Variants in CASP6 observed in about 807,000 individuals in gnomAD.
CASP6 encodes the protein caspase-6.
A neutral mutation model predicts 31.8 loss-of-function variants in CASP6; 20 were observed. The observed-to-expected ratio is 0.63, with a 90% confidence interval of 0.44 to 0.91. The LOEUF (loss-of-function observed/expected upper bound fraction) is 0.91. Ranked by LOEUF, CASP6 falls within the 40% of genes least tolerant of loss-of-function variation. The pLI, the probability that CASP6 is intolerant of heterozygous loss-of-function variation, is 0.00. For synonymous variants in CASP6, 130 were observed against 127.8 expected, an observed-to-expected ratio of 1.02 and a Z score of -0.12; for missense variants, 328 against 361.1, an observed-to-expected ratio of 0.91 and a Z score of 0.74.
At chr4:109,708,620 G>A in the CASP6 span, among the ~76,000 whole-genome samples, 1 of 152,114 alleles carries the variant, frequency 6.6e-6, no homozygotes, top group Non-Finnish European at 1.5e-5. Flanking sequence ...ACATTCCCTC[G>A]ACAAGAGTGG....
intron 1 of CASP6, among the ~76,000 whole-genome samples, chr4:109,703,107 G>A (rs1048469220): frequency 1.3e-5 from 2 of 152,122 alleles, no homozygotes; most frequent in African/African-American, 2.4e-5. Flanking sequence ...CGGCGCCGGC[G>A]TCGCTACTCG....
At chr4:109,678,353 T>A in the CASP6 span, among the ~76,000 whole-genome samples, 1 of 152,024 alleles carries the variant, frequency 6.6e-6, no homozygotes, top group Non-Finnish European at 1.5e-5. Flanking sequence ...TGGGTACACC[T>A]CCCAGGTGGG....
At chr4:109,673,484 G>C in the CASP6 span, among the ~76,000 whole-genome samples, 1 of 152,196 alleles carries the variant, frequency 6.6e-6, no homozygotes, top group African/African-American at 2.4e-5. Context: ...AGGTTTCCCT[G>C]TAACCTCAGC....
chr4:109,706,032 A>ATATATATATAT (rs1419095475), upstream of CASP6, among the ~76,000 whole-genome samples: 1 of 93,832 alleles, frequency 1.1e-5, no homozygotes, highest in African/African-American at 4.9e-5. Flanking sequence ...ATATATATAT[A>ATATATATATAT]ATATATATAA....
At chr4:109,690,247 A>AAAAAC (rs61007363) in intron 6 of CASP6, among the ~76,000 whole-genome samples, 2 of 143,396 alleles carry the variant, frequency 1.4e-5, no homozygotes, top group African/African-American at 5.3e-5. Flanking sequence ...AAAAAAAAAA[A>AAAAAC]ACGCACGCAC....
At chr4:109,688,451 G>A (rs1330624039), downstream of CASP6, 1 of 152,142 alleles carries the variant, frequency 6.6e-6, no homozygotes, top group East Asian at 1.9e-4. Flanking sequence ...TTCATCCTCA[G>A]AATGCCATAC....
chr4:109,701,638 C>G (rs5030529), intron 1 of CASP6, among the ~76,000 whole-genome samples: 8,356 of 152,252 alleles, frequency 0.055, 373 homozygotes, highest in East Asian at 0.21. Flanking sequence ...ACTGCCACCT[C>G]CTTATTCCTT....
At chr4:109,701,550 C>G (rs1167258024) in intron 1 of CASP6, among the ~76,000 whole-genome samples, 1 of 152,260 alleles carries the variant, frequency 6.6e-6, no homozygotes, top group South Asian at 2.1e-4. Context: ...GCCTCAGTCT[C>G]CCCAGTAGCT....
At chr4:109,682,392 CTT>C in the CASP6 span, among the ~76,000 whole-genome samples, 1 of 151,290 alleles carries the variant, frequency 6.6e-6, no homozygotes, top group Non-Finnish European at 1.5e-5. Context: ...CTGTGACTCT[CTT>C]TGTTGAAAAG....
At chr4:109,664,540 T>C in the CASP6 span, 1 of 556,086 alleles carries the variant, frequency 1.8e-6, no homozygotes, top group Non-Finnish European at 3.2e-6. Flanking sequence ...TCCTCCCACC[T>C]CAGCCTCCAG....
chr4:109,666,718 A>C, the CASP6 span, among the ~76,000 whole-genome samples: 1 of 152,136 alleles, frequency 6.6e-6, no homozygotes, highest in Non-Finnish European at 1.5e-5. Context: ...ATTTTCTCCC[A>C]GGCTATGGCT....
intron 1 of CASP6, among the ~76,000 whole-genome samples, chr4:109,701,515 C>A (rs957743874): frequency 1.3e-5 from 2 of 151,908 alleles, no homozygotes; most frequent in African/African-American, 4.8e-5. Context: ...TGCAAGTCCA[C>A]CTCCAGGTTT....
intron 5 of CASP6, chr4:109,692,595 C>T (rs1046525212): frequency 1.3e-5 from 2 of 152,222 alleles, no homozygotes; most frequent in Non-Finnish European, 2.9e-5. Context: ...GTCCATCCTC[C>T]TCAGTATCTT....
chr4:109,682,854 C>G, the CASP6 span: 1 of 774,578 alleles, frequency 1.3e-6, no homozygotes, highest in Non-Finnish European at 2.0e-6. Flanking sequence ...TTCTCCTTTA[C>G]GCCTCACAAA....
the CASP6 span, among the ~76,000 whole-genome samples, chr4:109,673,212 C>G: frequency 6.6e-6 from 1 of 152,206 alleles, no homozygotes; most frequent in African/African-American, 2.4e-5. Flanking sequence ...CCTGGAAGGT[C>G]TTTCACTTGC....
chr4:109,678,335 G>A, the CASP6 span, among the ~76,000 whole-genome samples: 2 of 150,742 alleles, frequency 1.3e-5, no homozygotes, highest in African/African-American at 2.4e-5. Flanking sequence ...CTGTCTCTTC[G>A]GAGCTGTTGG....
chr4:109,684,270 A>G (rs201361960), downstream of CASP6, among the ~76,000 whole-genome samples: 7 of 151,958 alleles, frequency 4.6e-5, no homozygotes, highest in South Asian at 8.3e-4. Flanking sequence ...CACCATGTTA[A>G]CCAGGATGGT....
chr4:109,691,417 C>T (rs1730052097), intron 5 of CASP6, among the ~76,000 whole-genome samples: 1 of 152,134 alleles, frequency 6.6e-6, no homozygotes, highest in Non-Finnish European at 1.5e-5. Flanking sequence ...TTGACTTTTG[C>T]TTGCCTGGCT....
chr4:109,671,447 G>C, the CASP6 span, among the ~76,000 whole-genome samples: 1 of 152,060 alleles, frequency 6.6e-6, no homozygotes, highest in Non-Finnish European at 1.5e-5. Context: ...TTCAGTTTGA[G>C]AAAGTTTCTG....
Sources: allele counts gnomAD v4.1 joint callset (sites outside exome capture counted in the v4.1 genomes callset), GRCh38; gene constraint gnomAD v4.1.1; transcripts MANE v1.5; gene names NCBI Gene and HGNC (gene_info 2026-07-23, HGNC 2026-07-21).